The following CACNB4 variants were observed in gnomAD, a reference collection of about 807,000 sequenced individuals.
CACNB4 encodes voltage-dependent L-type calcium channel subunit beta-4.
In CACNB4, 32 loss-of-function variants were observed where a neutral mutation model predicts 71.2. The ratio of observed to expected loss-of-function variants is 0.45; its 90% CI spans 0.34 to 0.60. The LOEUF is 0.60. Among genes scored for constraint, CACNB4 ranks in the 20% least tolerant of loss-of-function variants. The pLI is 0.01. For synonymous variants in CACNB4, 231 were observed against 236.9 expected, an observed-to-expected ratio of 0.97 and a Z score of 0.23; for missense variants, 464 against 647.9, an observed-to-expected ratio of 0.72 and a Z score of 3.08.
At chr2:151,861,998 G>C (rs1437968382) in intron 9 of CACNB4, among the ~76,000 whole-genome samples, 1 of 152,160 alleles carries the variant, frequency 6.6e-6, no homozygotes, top group Non-Finnish European at 1.5e-5. Flanking sequence ...TTATCTACCA[G>C]TAGAATTCAA....
At chr2:152,071,312 G>A (rs985987079) in intron 2 of CACNB4, among the ~76,000 whole-genome samples, 1 of 152,208 alleles carries the variant, frequency 6.6e-6, no homozygotes, top group African/African-American at 2.4e-5. Context: ...ATATAATTTT[G>A]TAAGTAGAAT....
chr2:151,857,615 C>T (rs571530007), intron 10 of CACNB4: 8 of 152,338 alleles, frequency 5.3e-5, no homozygotes, highest in Non-Finnish European at 8.8e-5. Flanking sequence ...TTTCATTAAA[C>T]TGTCACTGGC....
intron 10 of CACNB4, among the ~76,000 whole-genome samples, chr2:151,856,107 G>A (rs1051033370): frequency 8.0e-5 from 12 of 149,432 alleles, no homozygotes; most frequent in Admixed American, 3.3e-4. Flanking sequence ...CATGAGTCTA[G>A]TCAAATGAAA....
chr2:151,961,154 G>C (rs1055637979), intron 2 of CACNB4, among the ~76,000 whole-genome samples: 1 of 152,146 alleles, frequency 6.6e-6, no homozygotes, highest in Non-Finnish European at 1.5e-5. Context: ...GCTAATCCCT[G>C]TTCCCACCAC....
chr2:151,993,650 T>C (rs1013099853), intron 2 of CACNB4, among the ~76,000 whole-genome samples: 2 of 150,966 alleles, frequency 1.3e-5, no homozygotes, highest in Non-Finnish European at 3.0e-5. Flanking sequence ...CTGCAACCTC[T>C]GCCTCCCAGG....
chr2:151,965,882 T>C (rs75780456), intron 2 of CACNB4, among the ~76,000 whole-genome samples: 7,033 of 152,234 alleles, frequency 0.046, 233 homozygotes, highest in Non-Finnish European at 0.066. Flanking sequence ...AATAAAACAT[T>C]TTCCTTTTCA....
chr2:151,886,342 G>A (rs1038154835), intron 2 of CACNB4, among the ~76,000 whole-genome samples: 3 of 152,198 alleles, frequency 2.0e-5, no homozygotes, highest in Non-Finnish European at 4.4e-5. Flanking sequence ...AAAGCAAGCT[G>A]CCTGCTGAGG....
At position 152,098,963 on chromosome 2, in the gene CACNB4, A is replaced by C. The variant is rs868597551; in HGVS notation, c.49T>G (p.Ser17Ala). The change falls in exon 1 of 14, where the codon TCC becomes GCC. Residue 17 changes from serine to alanine, a missense_variant. Around this residue, in one of 3 missense-constraint regions of CACNB4, gnomAD observed 50 missense variants for 47.5 expected, o/e 1.05. Transcript: ENST00000539935. The surrounding 1 kb of genome is among the most constrained non-coding windows in gnomAD (Gnocchi z 5.3). Reference sequence around the variant, plus strand: ...GGGGGCGGTACCTGCGAGGTGGGGGAGTGCGGCCCGTCCGCGGTCCCGTTC... The same window carrying C: ...GGGGGCGGTACCTGCGAGGTGGGGGCGTGCGGCCCGTCCGCGGTCCCGTTC... The part of the protein sequence containing the change: ...AKNGTADGPH[S>A]PTSQVARGTT... The C allele has an allele frequency of 6.6e-7, 1 of 1,518,858 alleles. No homozygotes were observed. 94.1% of individuals were successfully genotyped at this position (1,518,858 alleles called of 1,614,324 possible).
intron 2 of CACNB4, among the ~76,000 whole-genome samples, chr2:152,043,569 C>A (rs926016921): frequency 6.6e-6 from 1 of 152,196 alleles, no homozygotes; most frequent in Admixed American, 6.5e-5. Flanking sequence ...ATCCTCCTGC[C>A]TCAACCTCCC....
chr2:152,051,111 A>T (rs1359613046), intron 2 of CACNB4, among the ~76,000 whole-genome samples: 3 of 152,078 alleles, frequency 2.0e-5, no homozygotes. Context: ...CACAGAAAAA[A>T]ACCCTCAAAA....
At position 151,837,945 on chromosome 2, in the gene CACNB4, A is replaced by G. The variant is rs2099835245; in HGVS notation, c.*1174T>C. 2.0e-5 allele frequency: 3 copies of G among 152,218 alleles called. No individual in the cohort carries two copies. The highest frequency in any genetic ancestry group is 6.5e-5 in the Admixed American group (1 of 15,280). The allele number at this position is 152,218 out of a possible 1,614,324, so 9.4% of individuals were successfully genotyped here. ...TTTTTCAATTAGTCATTTTGTAAAA[A>G]CATCTCCTGAATATCAAAGTTGAGT... On this transcript the variant is annotated 3_prime_UTR_variant, in exon 14 of 14. Coordinates refer to ENST00000539935, the MANE Select transcript of CACNB4 (RefSeq NM_000726.5).
intron 2 of CACNB4, among the ~76,000 whole-genome samples, chr2:152,048,187 G>A (rs1307794687): frequency 2.0e-5 from 3 of 152,044 alleles, no homozygotes; most frequent in African/African-American, 7.2e-5. Flanking sequence ...CTACTCACTA[G>A]ATGTACTACT....
At chr2:151,890,016 G>T (rs2099850337) in intron 2 of CACNB4, among the ~76,000 whole-genome samples, 1 of 152,040 alleles carries the variant, frequency 6.6e-6, no homozygotes, top group Non-Finnish European at 1.5e-5. Context: ...ACCCTCATGA[G>T]TTTTTTTGTT....
At chr2:151,991,925 G>A (rs1681727834) in intron 2 of CACNB4, among the ~76,000 whole-genome samples, 1 of 152,214 alleles carries the variant, frequency 6.6e-6, no homozygotes, top group Non-Finnish European at 1.5e-5. Context: ...CAGGAAGGAG[G>A]AAAAGTCAAT....
intron 2 of CACNB4, among the ~76,000 whole-genome samples, chr2:152,073,459 C>T (rs1686813369): frequency 6.6e-6 from 1 of 151,924 alleles, no homozygotes; most frequent in African/African-American, 2.4e-5. Flanking sequence ...TCGTGCTTTG[C>T]TATGTTTACA....
intron 2 of CACNB4, among the ~76,000 whole-genome samples, chr2:152,049,114 C>T (rs1685283704): frequency 6.6e-6 from 1 of 151,976 alleles, no homozygotes; most frequent in Non-Finnish European, 1.5e-5. Context: ...AACTTGTTTT[C>T]CTGTTCATAC....
Position 151,971,186 on chromosome 2 carries a change from C to T in CACNB4, c.148-87816G>A, listed in dbSNP as rs558886075. ...TGCATCACAGTACCAACATCTCTCT[C>T]CTACTGTGGGGATGTGAGGTGCTAA... is the stretch of plus-strand genomic sequence containing the variant. On this transcript the variant is annotated intron_variant, in intron 2 of 13. Coordinates refer to ENST00000539935, the MANE Select transcript of CACNB4 (RefSeq NM_000726.5). 3.3e-4 allele frequency: 102 copies of T among 313,746 alleles called. 1 individual carries two copies. Among genetic ancestry groups the T allele is most frequent in the Admixed American group, 1.9e-3 (42 of 22,126 alleles). 19.4% of individuals were successfully genotyped at this position (313,746 alleles called of 1,614,324 possible).
chr2:151,863,113 T>G (rs1452903074), intron 9 of CACNB4, among the ~76,000 whole-genome samples: 1 of 152,052 alleles, frequency 6.6e-6, no homozygotes, highest in African/African-American at 2.4e-5. Context: ...TCACCCAGGC[T>G]GGAGTGCAGT....
intron 2 of CACNB4, among the ~76,000 whole-genome samples, chr2:152,056,081 G>A (rs116502587): frequency 0.019 from 2,860 of 152,034 alleles, 90 homozygotes; most frequent in African/African-American, 0.064. Flanking sequence ...AGATATTTTC[G>A]GCTGGGCACG....
Sources: gnomAD v4.1 joint callset for allele counts (sites outside exome capture counted in the v4.1 genomes callset) on GRCh38, gnomAD v4.1.1 for gene constraint, gnomAD v4.1.1 regional missense constraint, Gnocchi (gnomAD v3.1) non-coding constraint, MANE v1.5 for transcripts, NCBI Gene and HGNC (gene_info 2026-07-23, HGNC 2026-07-21) for gene names.